TOMM20: variants seen among roughly 807,000 people sequenced by gnomAD.
TOMM20 encodes the protein mitochondrial import receptor subunit TOM20 homolog.
Under a neutral mutation model 22.1 loss-of-function variants are expected in TOMM20, and 10 were observed. That is an observed-to-expected ratio of 0.45 (90% confidence interval 0.28 to 0.77). TOMM20 has a LOEUF of 0.77. TOMM20 is among the 30% of genes least tolerant of loss of function. TOMM20 has a pLI of 0.13. For missense variants in TOMM20, 121 were observed against 172.2 expected (o/e 0.70, Z 1.66); for synonymous variants, 55 against 61.4 (o/e 0.90, Z 0.49).
intron 1 of TOMM20, among the ~76,000 whole-genome samples, chr1:235,128,250 A>C (rs561247262): frequency 6.6e-6 from 1 of 152,370 alleles, no homozygotes; most frequent in Admixed American, 6.5e-5. Flanking sequence ...ACAAAAATGC[A>C]CGACTTTTTA....
rs1365766529 is a variant in TOMM20, at chr1:235,126,004, C to G, written c.121+2591G>C. ...ATCTCCTGACCTCATGATCTTCCCA[C>G]CTTGGCCTCCCAAAGTGCTGGGATT... On this transcript the variant is annotated intron_variant, in intron 1 of 4. Transcript: ENST00000366607. Among the ~76,000 whole-genome samples the G allele has an allele frequency of 5.3e-5, 8 of 151,920 alleles. No homozygotes were observed. The East Asian group carries it at 1.5e-3, about 29-fold the overall frequency.
At chr1:235,117,319 T>G (rs1265215832) in intron 3 of TOMM20, among the ~76,000 whole-genome samples, 2 of 145,784 alleles carry the variant, frequency 1.4e-5, no homozygotes, top group Non-Finnish European at 3.0e-5. Flanking sequence ...TTAGCCGGGC[T>G]TGGTGGTGCA....
At chr1:235,114,070 TAAC>T (rs1558127872) in intron 3 of TOMM20, among the ~76,000 whole-genome samples, 160 bp from the exon 4 acceptor site, 2 of 152,226 alleles carry the variant, frequency 1.3e-5, no homozygotes, top group African/African-American at 4.8e-5. Flanking sequence ...ATGAAGCTAC[TAAC>T]AAGAATGAGT....
intron 3 of TOMM20, among the ~76,000 whole-genome samples, chr1:235,118,142 T>TAAA (rs368647450): frequency 0.26 from 38,928 of 151,986 alleles, 6,134 homozygotes; most frequent in South Asian, 0.53. Flanking sequence ...GCAACAATGC[T>TAAA]GAAGATACAC....
chr1:235,115,976 T>C (rs1418261288), intron 3 of TOMM20, among the ~76,000 whole-genome samples: 2 of 152,240 alleles, frequency 1.3e-5, no homozygotes, highest in African/African-American at 2.4e-5. Context: ...GGGAAACCAG[T>C]GCAAATGCCA....
intron 3 of TOMM20, among the ~76,000 whole-genome samples, chr1:235,117,388 G>A (rs917358600): frequency 2.0e-5 from 3 of 150,188 alleles, no homozygotes; most frequent in Non-Finnish European, 3.0e-5. Flanking sequence ...AACCCGGGAG[G>A]CAGAGGTTGC....
intron 2 of TOMM20, among the ~76,000 whole-genome samples, chr1:235,120,266 T>G (rs1353016601): frequency 7.9e-5 from 12 of 152,080 alleles, no homozygotes; most frequent in Admixed American, 7.9e-4. Flanking sequence ...ATACAGATTT[T>G]GTTGTTTTTG....
In TOMM20 at chr1:235,128,718, T is replaced by C. The variant is rs772288454; in HGVS notation, c.-3A>G. 1 of 1,613,854 alleles carries C rather than the reference T, an allele frequency of 6.2e-7. No homozygotes were observed. Among genetic ancestry groups the C allele is most frequent in the South Asian group, 1.1e-5 (1 of 91,086 alleles). Reference sequence around the variant, plus strand: ...ATGGCGCTGTTCCGACCCACCATCTTCTCTACAACGCTGAGCGTGGACGGT... The same window carrying C: ...ATGGCGCTGTTCCGACCCACCATCTCCTCTACAACGCTGAGCGTGGACGGT... On this transcript the variant is annotated 5_prime_UTR_variant, in exon 1 of 5. Transcript: ENST00000366607.
intron 3 of TOMM20, among the ~76,000 whole-genome samples, chr1:235,116,999 G>A (rs1572128158): frequency 6.6e-6 from 1 of 151,686 alleles, no homozygotes; most frequent in South Asian, 2.1e-4. Context: ...GCCGGGCGTG[G>A]TGGTGGGCGC....
chr1:235,112,760 T>C (rs897742826), intron 4 of TOMM20, among the ~76,000 whole-genome samples: 2 of 152,210 alleles, frequency 1.3e-5, no homozygotes, highest in African/African-American at 4.8e-5. Flanking sequence ...GGCTTCATAG[T>C]GAATTCACAA....
Position 235,109,463 on chromosome 1 carries a change from T to C in TOMM20, c.*2601A>G, listed in dbSNP as rs1403527863. ...GCATGATATACCAATTTTCTCAATC[T>C]CTTCTGCAATAACATCTCATTAACA... On this transcript the variant is annotated 3_prime_UTR_variant, in exon 5 of 5. Coordinates refer to ENST00000366607, the MANE Select transcript of TOMM20 (RefSeq NM_014765.3). 1 of 152,222 alleles carries C rather than the reference T, an allele frequency of 6.6e-6. No individual in the cohort carries two copies. Among genetic ancestry groups the C allele is most frequent in the Non-Finnish European group, 1.5e-5 (1 of 68,038 alleles). The allele number at this position is 152,222 out of a possible 1,614,324, so 9.4% of individuals were successfully genotyped here. A position where few individuals can be genotyped will look rare whatever the true frequency, so the allele number is the denominator to read the frequency against.
At chr1:235,127,703 A>T (rs948100034) in intron 1 of TOMM20, 3 of 353,410 alleles carry the variant, frequency 8.5e-6, no homozygotes, top group African/African-American at 2.1e-5. Context: ...TATTGCAACA[A>T]ATTTGCTCTT....
At chr1:235,122,195 T>A (rs1660941473) in intron 2 of TOMM20, 131 bp downstream of exon 2, 2 of 696,054 alleles carry the variant, frequency 2.9e-6, no homozygotes, top group Non-Finnish European at 4.4e-6. Flanking sequence ...ATAAGCTGTA[T>A]TTTAAAATAA....
chr1:235,128,404 T>C (rs1397405554), intron 1 of TOMM20, among the ~76,000 whole-genome samples, 191 bp downstream of exon 1: 1 of 152,220 alleles, frequency 6.6e-6, no homozygotes, highest in Non-Finnish European at 1.5e-5. Flanking sequence ...GGAAAAATCC[T>C]TCCTCCAAAA....
Position 235,110,643 on chromosome 1 carries a change from A to G in TOMM20, c.*1421T>C, listed in dbSNP as rs982234762. 2 of 152,234 alleles carry G rather than the reference A, an allele frequency of 1.3e-5. No homozygotes were observed. Among genetic ancestry groups the G allele is most frequent in the African/African-American group, 4.8e-5 (2 of 41,464 alleles). The allele number at this position is 152,234 out of a possible 1,614,324, so 9.4% of individuals were successfully genotyped here. ...TGTTCAAGGCTGTGCGGCTAATCAG[A>G]GGCAGAAACTAGACCTATTTCTCCT... On this transcript the variant is annotated 3_prime_UTR_variant, in exon 5 of 5. Coordinates refer to ENST00000366607, the MANE Select transcript of TOMM20 (RefSeq NM_014765.3).
At chr1:235,120,297 G>C (rs1055405408) in intron 2 of TOMM20, among the ~76,000 whole-genome samples, 1 of 152,058 alleles carries the variant, frequency 6.6e-6, no homozygotes, top group African/African-American at 2.4e-5. Flanking sequence ...TTTTGAGACA[G>C]AGTCTCATTC....
intron 2 of TOMM20, among the ~76,000 whole-genome samples, chr1:235,120,171 C>T (rs932045303): frequency 6.6e-6 from 1 of 152,188 alleles, no homozygotes; most frequent in South Asian, 2.1e-4. Context: ...ATACCGTCTA[C>T]GCACGTTACA....
intron 3 of TOMM20, among the ~76,000 whole-genome samples, chr1:235,117,024 A>G (rs1660844184): frequency 6.8e-6 from 1 of 147,650 alleles, no homozygotes; most frequent in Non-Finnish European, 1.5e-5. Context: ...AGTCCCAGCT[A>G]CTCGGGAGGC....
intron 1 of TOMM20, among the ~76,000 whole-genome samples, chr1:235,126,680 G>C (rs1403805704): frequency 6.6e-6 from 1 of 151,980 alleles, no homozygotes; most frequent in Non-Finnish European, 1.5e-5. Flanking sequence ...GTGTGCGCCT[G>C]TAATCCCAGC....
Sources: allele counts gnomAD v4.1 joint callset (sites outside exome capture counted in the v4.1 genomes callset), GRCh38; gene constraint gnomAD v4.1.1; transcripts MANE v1.5; gene names NCBI Gene and HGNC (gene_info 2026-07-23, HGNC 2026-07-21).